The following GRIPAP1 variants were observed in gnomAD, a reference collection of about 807,000 sequenced individuals.
GRIPAP1 encodes the protein GRIP1 associated protein 1, also known as GRIP1-associated protein 1.
GRIPAP1 carries 14 observed loss-of-function variants against 84.1 expected under a neutral mutation model. That is an observed-to-expected ratio of 0.17 (90% CI 0.11 to 0.26). GRIPAP1 has a LOEUF of 0.26. Among genes scored for constraint, GRIPAP1 ranks in the 10% least tolerant of loss-of-function variants. The probability of loss-of-function intolerance (pLI) is 1.00; values close to 1 mark genes in which losing one functional copy is unlikely to be tolerated. For missense variants in GRIPAP1, 518 were observed against 674.2 expected (o/e 0.77, Z 2.57); for synonymous variants, 261 against 256.8 (o/e 1.02, Z -0.15).
intron 17 of GRIPAP1, 150 bp from the exon 18 acceptor site, chrX:48,982,022 G>A: frequency 2.3e-6 from 1 of 441,823 alleles, no homozygotes; most frequent in Non-Finnish European, 4.0e-6. Context: ...ATGCTGAAGT[G>A]TCACATCTAA....
In GRIPAP1 at chrX:48,983,025, A is replaced by T; in HGVS notation, c.1553T>A (p.Met518Lys). 1 of 1,208,836 alleles carries T rather than the reference A, an allele frequency of 8.3e-7. No individual in the cohort carries two copies. Among genetic ancestry groups the T allele is most frequent in the Non-Finnish European group, 1.1e-6 (1 of 892,667 alleles). Residue 518 changes from methionine (M) to lysine (K), a missense_variant, in exon 17 of 26, where the codon ATG becomes AAG. By Grantham distance (95) the Met-to-Lys change is moderately conservative (BLOSUM62 -1). Coordinates refer to ENST00000376423, the MANE Select transcript of GRIPAP1 (RefSeq NM_020137.5). ...TTCAAACCAGCCCTTGGCTCCATCC[A>T]TGGAATGTACCTGAGCTTGAAGTTC... ...VEELQAQVHS[M>K]DGAKGWFERR... is the part of the protein sequence containing the mutation.
At chrX:48,989,255 A>C (rs1200590249) in intron 11 of GRIPAP1, among the ~76,000 whole-genome samples, 1 of 110,892 alleles carries the variant, frequency 9.0e-6, no homozygotes, top group Admixed American at 9.6e-5. Context: ...TAAAGATTTC[A>C]AAGTCACCCA....
rs2147735165 is a variant in GRIPAP1, at chrX:48,981,136, C to G, written c.1930+79G>C. On this transcript the variant is annotated intron_variant, in intron 21 of 25. Transcript: ENST00000376423. ...CAGGAAAGCACAGCTGAGGAAGATG[C>G]AGGACTAACCTGCAGCCTGCAGGCC... The G allele has an allele frequency of 6.9e-6, 5 of 723,677 alleles. No individual in the cohort carries two copies. The South Asian group carries it at 9.2e-5, about 13-fold the overall frequency. 59.6% of individuals were successfully genotyped at this position (723,677 alleles called of 1,213,427 possible). A position where few individuals can be genotyped will look rare whatever the true frequency, so the allele number is the denominator to read the frequency against.
rs781834677 is a variant in GRIPAP1 at position 48,988,577 on chromosome X, G to C, written c.871-379C>G. On this transcript the variant is annotated intron_variant, in intron 11 of 25. Coordinates refer to ENST00000376423, the MANE Select transcript of GRIPAP1 (RefSeq NM_020137.5). ...TCAGATGTAGTCAGCACCCAAGGAT[G>C]ACAGTTTCACCCAGCCTCCCAATCC... is the stretch of plus-strand genomic sequence containing the variant. 18 of 167,394 alleles carry C rather than the reference G, an allele frequency of 1.1e-4. No individual in the cohort carries two copies. In the South Asian group the frequency reaches 2.4e-3, roughly 22 times the overall value. The allele number at this position is 167,394 out of a possible 1,213,427, so 13.8% of individuals were successfully genotyped here.
chrX:48,999,184 A>G (rs1387715629), intron 3 of GRIPAP1, 54 bp downstream of exon 3: 1 of 922,010 alleles, frequency 1.1e-6, no homozygotes, highest in Non-Finnish European at 1.6e-6. Context: ...AATGAGTCAG[A>G]TAGGTAGAAG....
chrX:48,991,157 G>T, intron 6 of GRIPAP1, 47 bp from the exon 7 acceptor site: 1 of 959,637 alleles, frequency 1.0e-6, no homozygotes, highest in Non-Finnish European at 1.5e-6. Flanking sequence ...GGTCTCTGAA[G>T]TCCCTTGCCA....
At chrX:49,002,045 G>A (rs1333574372) in intron 1 of GRIPAP1, 143 bp downstream of exon 1, 5 of 409,945 alleles carry the variant, frequency 1.2e-5, no homozygotes, top group African/African-American at 5.2e-5. Context: ...TCACCACTCC[G>A]AGCCTCAGTT....
At chrX:48,995,575 G>A (rs2064542999) in intron 5 of GRIPAP1, among the ~76,000 whole-genome samples, 1 of 111,312 alleles carries the variant, frequency 9.0e-6, no homozygotes, top group African/African-American at 3.3e-5. Context: ...AGGCAAAGCA[G>A]GGCCACAGGG....
chrX:48,989,021 TCA>T (rs782117334), intron 11 of GRIPAP1, among the ~76,000 whole-genome samples: 6 of 111,481 alleles, frequency 5.4e-5, no homozygotes, highest in Non-Finnish European at 9.4e-5. Context: ...CCTGGAGGTC[TCA>T]GACTGACCAG....
rs1557065397 is a variant in GRIPAP1, at chrX:48,991,104, T to C, written c.464A>G (p.Gln155Arg). 1 of 1,187,443 alleles carries C rather than the reference T, an allele frequency of 8.4e-7. No individual in the cohort carries two copies. Among genetic ancestry groups the C allele is most frequent in the Non-Finnish European group, 1.1e-6 (1 of 872,897 alleles). The change falls in exon 7 of 26, where the codon CAG (glutamine) becomes CGG (arginine). Residue 155 changes from glutamine to arginine, a missense_variant. Around this residue, in one of 5 missense-constraint regions of GRIPAP1, gnomAD observed 372 missense variants for 458.1 expected, o/e 0.81. Coordinates refer to ENST00000376423, the MANE Select transcript of GRIPAP1 (RefSeq NM_020137.5). ...CCCGGCTTCTTTCCCATAGCGTTCCTGCAGGGCTGGTGAGTAGAACAGGGA... is the reference window on the plus strand; with the variant it reads ...CCCGGCTTCTTTCCCATAGCGTTCCCGCAGGGCTGGTGAGTAGAACAGGGA... ...TALQKNVAAL[Q>R]ERYGKEAGKF...
Position 48,991,035 on chromosome X carries a change from C to A in GRIPAP1, c.533G>T (p.Gly178Val). The A allele has an allele frequency of 8.4e-7, 1 of 1,195,782 alleles. No homozygotes were observed. The highest frequency in any genetic ancestry group is 1.1e-6 in the Non-Finnish European group (1 of 881,752). The change falls in exon 7 of 26, where the codon GGC becomes GTC. Residue 178 changes from glycine to valine, a missense_variant. Coordinates refer to ENST00000376423, the MANE Select transcript of GRIPAP1 (RefSeq NM_020137.5). ...VSEGQGDPPG[G>V]LAPTVLAPMP... The stretch of plus-strand genomic sequence containing the variant: ...GGGGGCCAGGACGGTGGGGGCCAGG[C>A]CCCCTGGGGGATCCCCCTGGCCCTC...
Position 48,995,742 on chromosome X carries a change from C to T in GRIPAP1, c.306+1508G>A, listed in dbSNP as rs181046296. 6.3e-3 allele frequency among the ~76,000 whole-genome samples: 690 copies of T among 110,262 alleles called. 4 individuals are homozygous for T. Among genetic ancestry groups the T allele is most frequent in the Admixed American group, 8.6e-3 (89 of 10,346 alleles). On this transcript the variant is annotated intron_variant, in intron 5 of 25. Coordinates refer to ENST00000376423, the MANE Select transcript of GRIPAP1 (RefSeq NM_020137.5). ...TCCCGAGTAGCTGGGACTACAGGCACGTGCCACCACACCCGGCTAATTTTT... is the reference window on the plus strand; with the variant it reads ...TCCCGAGTAGCTGGGACTACAGGCATGTGCCACCACACCCGGCTAATTTTT...
intron 1 of GRIPAP1, among the ~76,000 whole-genome samples, chrX:49,001,339 T>C (rs781883564): frequency 8.2e-4 from 83 of 101,674 alleles, no homozygotes; most frequent in African/African-American, 2.8e-3. Context: ...CCCCTCCCCA[T>C]GCAGGACCCT....
chrX:49,001,126 C>A (rs2064577043), intron 1 of GRIPAP1, among the ~76,000 whole-genome samples: 1 of 111,431 alleles, frequency 9.0e-6, no homozygotes, highest in Admixed American at 9.5e-5. Flanking sequence ...GGCCCTACAC[C>A]CTTCAGGGTA....
intron 21 of GRIPAP1, among the ~76,000 whole-genome samples, chrX:48,979,780 T>TG (rs1362788125): frequency 0.026 from 3 of 116 alleles, no homozygotes; most frequent in Non-Finnish European, 0.047. Context: ...ACCCAGCTAA[T>TG]TTTTTGTATT....
chrX:48,994,895 T>G, intron 5 of GRIPAP1, among the ~76,000 whole-genome samples: 1 of 111,547 alleles, frequency 9.0e-6, no homozygotes, highest in East Asian at 2.8e-4. Flanking sequence ...TAATGTAGAG[T>G]ACTTCAAACA....
chrX:48,988,146 G>A lies in GRIPAP1; in HGVS notation c.923C>T (p.Ala308Val). 1 of 1,200,753 alleles carries A rather than the reference G, an allele frequency of 8.3e-7. No homozygotes were observed. The highest frequency in any genetic ancestry group is 1.1e-6 in the Non-Finnish European group (1 of 889,708). The change falls in exon 12 of 26, where the codon GCA (alanine) becomes GTA (valine). Residue 308 changes from alanine (A) to valine (V), a missense_variant. Physicochemically the swap from Ala to Val is moderately conservative, Grantham distance 64. Around this residue, in one of 5 missense-constraint regions of GRIPAP1, gnomAD observed 372 missense variants for 458.1 expected, o/e 0.81. Transcript: ENST00000376423. Reference sequence around the variant, plus strand: ...CTGATCTTGTAGGGCCCGCAAAGCTGCTGCATGTTCCAGGCGCTCCCCCTG... The same window carrying A: ...CTGATCTTGTAGGGCCCGCAAAGCTACTGCATGTTCCAGGCGCTCCCCCTG... ...QRQGERLEHA[A>V]ALRALQDQVS...
At position 48,991,037 on chromosome X, in the gene GRIPAP1, C is replaced by T; in HGVS notation, c.531G>A (p.Gly177=). The T allele has an allele frequency of 8.3e-7, 1 of 1,198,634 alleles. No homozygotes were observed. ...AVSEGQGDPP[G]GLAPTVLAPM... ...GGGCCAGGACGGTGGGGGCCAGGCC[C>T]CCTGGGGGATCCCCCTGGCCCTCAC... The change falls in exon 7 of 26, where the codon GGG becomes GGA. Residue 177 remains glycine, a synonymous_variant. Transcript: ENST00000376423.
intron 1 of GRIPAP1, among the ~76,000 whole-genome samples, chrX:48,999,806 C>T (rs2064567538): frequency 9.0e-6 from 1 of 110,866 alleles, no homozygotes; most frequent in South Asian, 3.8e-4. Flanking sequence ...TGTGTGAGTT[C>T]CCTGGCTCTC....
Sources: allele counts gnomAD v4.1 joint callset (sites outside exome capture counted in the v4.1 genomes callset), GRCh38; gene constraint gnomAD v4.1.1; regional missense constraint gnomAD v4.1.1; transcripts MANE v1.5; gene names NCBI Gene and HGNC (gene_info 2026-07-23, HGNC 2026-07-21).